QRICH1: variants seen among roughly 807,000 people sequenced by gnomAD.
The protein encoded by QRICH1 is glutamine rich 1, also known as transcriptional regulator QRICH1.
QRICH1 carries 16 observed loss-of-function variants against 87.1 expected under a neutral mutation model. That is an observed-to-expected ratio of 0.18 (90% CI 0.12 to 0.28). The LOEUF (loss-of-function observed/expected upper bound fraction) is 0.28. Ranked by LOEUF, QRICH1 falls within the 10% of genes least tolerant of loss-of-function variation. The probability of loss-of-function intolerance (pLI) is 1.00; values close to 1 mark genes in which losing one functional copy is unlikely to be tolerated. For synonymous variants in QRICH1, 367 were observed against 368.4 expected, an observed-to-expected ratio of 1.00 and a Z score of 0.05; for missense variants, 647 against 951.7, an observed-to-expected ratio of 0.68 and a Z score of 4.21.
chr3:49,052,343 T>C (rs1321187412), intron 3 of QRICH1, among the ~76,000 whole-genome samples: 1 of 152,104 alleles, frequency 6.6e-6, no homozygotes, highest in Non-Finnish European at 1.5e-5. Flanking sequence ...ATCTGAGGTA[T>C]TGTCAATAAG....
chr3:49,067,568 GA>G (rs1156780462), intron 2 of QRICH1, among the ~76,000 whole-genome samples: 6 of 140,416 alleles, frequency 4.3e-5, no homozygotes, highest in East Asian at 2.1e-4. Context: ...ACTCTGTCTC[GA>G]AAAAAAAAAC....
Position 49,057,596 on chromosome 3 carries a change from C to A in QRICH1, c.604G>T (p.Gly202Cys). The change falls in exon 3 of 10, where the codon GGC (glycine) becomes TGC (cysteine). Residue 202 changes from glycine (G) to cysteine (C), a missense_variant. Coordinates refer to ENST00000395443, the MANE Select transcript of QRICH1 (RefSeq NM_198880.3). This position sits in a 1 kb window ranked among gnomAD's most constrained non-coding sequence, Gnocchi z 5.4. ...HQQIQAQLVA[G>C]QSLAGGQQIQ... ...TGCTGACCACCAGCAAGAGACTGGCCAGCCACCAGCTGAGCCTGGATTTGC... is the reference window on the plus strand; with the variant it reads ...TGCTGACCACCAGCAAGAGACTGGCAAGCCACCAGCTGAGCCTGGATTTGC... 1 of 1,613,902 alleles carries A rather than the reference C, an allele frequency of 6.2e-7. No homozygotes were observed. Among genetic ancestry groups the A allele is most frequent in the Non-Finnish European group, 8.5e-7 (1 of 1,179,840 alleles).
At chr3:49,045,915 T>C (rs1224896082) in intron 5 of QRICH1, among the ~76,000 whole-genome samples, 1 of 151,458 alleles carries the variant, frequency 6.6e-6, no homozygotes. Flanking sequence ...TCTTTTCTTT[T>C]CTTTTTTTTT....
chr3:49,079,005 AGCTCCACGGAC>A (rs2042006679), intron 1 of QRICH1, among the ~76,000 whole-genome samples: 1 of 151,992 alleles, frequency 6.6e-6, no homozygotes, highest in Non-Finnish European at 1.5e-5. Context: ...TAATATCCAT[AGCTCCACGGAC>A]TCAAGCAATC....
rs2106981276 is a variant in QRICH1 at position 49,076,558 on chromosome 3, G to A, written c.309+151C>T. The A allele has an allele frequency of 9.2e-6, 7 of 761,166 alleles. No homozygotes were observed. In the South Asian group the frequency reaches 1.7e-4, roughly 19 times the overall value. The allele number at this position is 761,166 out of a possible 1,614,324, so 47.2% of individuals were successfully genotyped here. ...AAAAAAGCTTAAAGAAAAAGGAGAA[G>A]AAAGAAAAAACTTTTAGTCCACATT... On this transcript the variant is annotated intron_variant, in intron 2 of 9. Coordinates refer to ENST00000395443, the MANE Select transcript of QRICH1 (RefSeq NM_198880.3).
intron 5 of QRICH1, among the ~76,000 whole-genome samples, chr3:49,045,421 TTATTTATTTTATG>T (rs1156370282): frequency 1.3e-5 from 2 of 152,030 alleles, no homozygotes; most frequent in African/African-American, 4.8e-5. Flanking sequence ...TCCTATTTTA[TTATTTATTTTATG>T]TATTTATTTT....
rs755459523 is a variant in QRICH1, at chr3:49,057,538, G to A, written c.662C>T (p.Pro221Leu). 2.5e-6 allele frequency: 4 copies of A among 1,613,190 alleles called. No homozygotes were observed. In the African/African-American group the frequency reaches 5.3e-5, roughly 22 times the overall value. The change falls in exon 3 of 10, where the codon CCA becomes CTA. Residue 221 changes from proline (P) to leucine (L), a missense_variant. Coordinates refer to ENST00000395443, the MANE Select transcript of QRICH1 (RefSeq NM_198880.3). The surrounding 1 kb of genome is among the most constrained non-coding windows in gnomAD (Gnocchi z 5.4). ...IQIQTVGALS[P>L]PPSQQGSPRE... ...GGGTGAGCCCTGCTGGGATGGTGGT[G>A]GGGAAAGGGCACCCACGGTCTGGAT...
intron 3 of QRICH1, among the ~76,000 whole-genome samples, chr3:49,055,914 G>A (rs753944563): frequency 7.2e-5 from 11 of 151,784 alleles, no homozygotes; most frequent in Non-Finnish European, 1.2e-4. Context: ...CCTGACCTCT[G>A]GTGACTCACC....
At chr3:49,084,861 AC>A (rs1418670277) in intron 1 of QRICH1, among the ~76,000 whole-genome samples, 1 of 152,222 alleles carries the variant, frequency 6.6e-6, no homozygotes, top group African/African-American at 2.4e-5. Context: ...TGAATTTTCC[AC>A]AAGTGGTATT....
At chr3:49,078,693 CCTT>C (rs1329122868) in intron 1 of QRICH1, among the ~76,000 whole-genome samples, 119 of 115,012 alleles carry the variant, frequency 1.0e-3, no homozygotes, top group Non-Finnish European at 1.7e-3. Flanking sequence ...CCACACCTGT[CCTT>C]TTTTTTTTTT....
chr3:49,044,609 T>G (rs562150181), intron 5 of QRICH1, 105 bp from the exon 6 acceptor site: 1 of 759,038 alleles, frequency 1.3e-6, no homozygotes, highest in East Asian at 2.9e-5. Context: ...TCCCTACCCA[T>G]TCACACCTCA....
At chr3:49,037,220 T>C (rs935134433) in intron 6 of QRICH1, among the ~76,000 whole-genome samples, 3 of 151,650 alleles carry the variant, frequency 2.0e-5, no homozygotes, top group Non-Finnish European at 4.4e-5. Flanking sequence ...AAAGGCCAAC[T>C]ATGAAGTAAT....
intron 1 of QRICH1, among the ~76,000 whole-genome samples, chr3:49,089,808 G>A (rs1289583304): frequency 6.6e-6 from 1 of 152,160 alleles, no homozygotes; most frequent in Non-Finnish European, 1.5e-5. Flanking sequence ...AATGTAAAAA[G>A]AAGAAGAATG....
chr3:49,070,491 G>C (rs2093494711), intron 2 of QRICH1, among the ~76,000 whole-genome samples: 1 of 152,168 alleles, frequency 6.6e-6, no homozygotes, highest in African/African-American at 2.4e-5. Flanking sequence ...CCAGGATGGA[G>C]TGCAGTGGCG....
At chr3:49,071,835 C>A (rs1184406263) in intron 2 of QRICH1, among the ~76,000 whole-genome samples, 2 of 152,152 alleles carry the variant, frequency 1.3e-5, no homozygotes, top group Non-Finnish European at 2.9e-5. Context: ...TGGGATCACA[C>A]AAGCAAGCCA....
chr3:49,055,517 A>G (rs1356194604), intron 3 of QRICH1, among the ~76,000 whole-genome samples: 1 of 152,112 alleles, frequency 6.6e-6, no homozygotes, highest in Non-Finnish European at 1.5e-5. Context: ...ATGTGCCATC[A>G]CACTAGACTA....
chr3:49,051,589 C>T (rs868254666), intron 3 of QRICH1, among the ~76,000 whole-genome samples: 4 of 134,318 alleles, frequency 3.0e-5, no homozygotes, highest in Admixed American at 7.4e-5. Context: ...CCTGCGCCCC[C>T]CCCCCCCTCC....
chr3:49,082,791 AG>A (rs1156393039), intron 1 of QRICH1, among the ~76,000 whole-genome samples: 1 of 150,968 alleles, frequency 6.6e-6, no homozygotes, highest in African/African-American at 2.4e-5. Context: ...GCTACTCGGG[AG>A]GCTGAGGCAG....
At chr3:49,058,359 T>A (rs1308383771) in intron 2 of QRICH1, among the ~76,000 whole-genome samples, 2 of 141,190 alleles carry the variant, frequency 1.4e-5, no homozygotes, top group Non-Finnish European at 3.1e-5. Context: ...CAAATTCTCA[T>A]TGTGTCGCCC....
Sources: gnomAD v4.1 joint callset for allele counts (sites outside exome capture counted in the v4.1 genomes callset) on GRCh38, gnomAD v4.1.1 for gene constraint, Gnocchi (gnomAD v3.1) non-coding constraint, MANE v1.5 for transcripts, NCBI Gene and HGNC (gene_info 2026-07-23, HGNC 2026-07-21) for gene names.